The following MKI67 variants were observed in gnomAD, a reference collection of about 807,000 sequenced individuals.
MKI67 encodes marker of proliferation Ki-67, also known as proliferation marker protein Ki-67.
MKI67 carries 152 observed loss-of-function variants against 233.5 expected under a neutral mutation model. The ratio of observed to expected loss-of-function variants is 0.65; its 90% CI spans 0.57 to 0.74. The LOEUF is 0.74. MKI67 is among the 30% of genes least tolerant of loss of function. The pLI, the probability that MKI67 is intolerant of heterozygous loss-of-function variation, is 0.00. For synonymous variants in MKI67, 1,465 were observed against 1,418.5 expected, an observed-to-expected ratio of 1.03 and a Z score of -0.74; for missense variants, 3,940 against 3,885.2, an observed-to-expected ratio of 1.01 and a Z score of -0.37.
chr10:128,114,888 C>T (rs756499020), intron 7 of MKI67, 40 bp downstream of exon 7: 2 of 1,498,820 alleles, frequency 1.3e-6, no homozygotes, highest in African/African-American at 1.4e-5. Context: ...AGAAGGTGTT[C>T]ATCTTTTAGA....
chr10:128,113,672 T>A (rs1852731352), intron 7 of MKI67, 70 bp from the exon 8 acceptor site: 1 of 1,432,012 alleles, frequency 7.0e-7, no homozygotes, highest in African/African-American at 1.4e-5. Flanking sequence ...TTATTTCACG[T>A]TAGCATTAAA....
intron 11 of MKI67, among the ~76,000 whole-genome samples, 189 bp from the exon 12 acceptor site, chr10:128,110,722 C>A (rs2782870): frequency 0.5 from 75,273 of 152,020 alleles, 18,792 homozygotes; most frequent in Admixed American, 0.56. Context: ...AAAGAGAGCA[C>A]AGAGAAGATA....
chr10:128,125,630 C>G lies in MKI67; in HGVS notation c.38G>C (p.Ser13Thr). 1 of 1,613,774 alleles carries G rather than the reference C, an allele frequency of 6.2e-7. No individual in the cohort carries two copies. Among genetic ancestry groups the G allele is most frequent in the Non-Finnish European group, 8.5e-7 (1 of 1,179,892 alleles). Reference protein sequence around the residue: ...PTRRLVTIKRSGVDGPHFPLS... With the variant: ...PTRRLVTIKRTGVDGPHFPLS... ...GGGAAAGTGGGGACCGTCGACCCCG[C>G]TCCTTTTGATAGTAACCAGGCGTCT... The change falls in exon 2 of 15, where the codon AGC (serine) becomes ACC (threonine). Residue 13 changes from serine (S) to threonine (T), a missense_variant. Physicochemically the swap from Ser to Thr is moderately conservative, Grantham distance 58. Transcript: ENST00000368654. This position sits in a 1 kb window ranked among gnomAD's most constrained non-coding sequence, Gnocchi z 5.3.
chr10:128,103,727 G>T lies in MKI67; in HGVS notation c.8113C>A (p.Pro2705Thr), dbSNP rs1182971694. The part of the protein sequence containing the change: ...SLTAGKATKI[P>T]CESPPLEVVD... ...ACTTCTAGTGGGGGAGATTCGCAGG[G>T]TATTTTAGTGGCTTTGCCAGCAGTC... The change falls in exon 13 of 15, where the codon CCC becomes ACC. Residue 2705 changes from proline to threonine, a missense_variant. Transcript: ENST00000368654. The T allele has an allele frequency of 3.1e-6, 5 of 1,614,072 alleles. No individual in the cohort carries two copies. The highest frequency in any genetic ancestry group is 3.3e-5 in the Admixed American group (2 of 60,014).
chr10:128,108,876 G>A lies in MKI67; in HGVS notation c.2964C>T (p.Thr988=), dbSNP rs1223335059. The A allele has an allele frequency of 1.2e-6, 2 of 1,614,178 alleles. No homozygotes were observed. The highest frequency in any genetic ancestry group is 8.5e-7 in the Non-Finnish European group (1 of 1,180,038). Residue 988 remains threonine, a synonymous_variant, in exon 13 of 15, where the codon ACC becomes ACT. Coordinates refer to ENST00000368654, the MANE Select transcript of MKI67 (RefSeq NM_002417.5). ...TCTTTGGTGCCTTGGCATGATCTTG[G>A]GTTTGGAGGAGATTCTGGCCACGTG... ...DTARGQNLLQ[T]QDHAKAPKSE...
chr10:128,113,487 G>T lies in MKI67; in HGVS notation c.1596C>A (p.Ala532=). Residue 532 remains alanine, a synonymous_variant, in exon 8 of 15, where the codon GCC becomes GCA. Coordinates refer to ENST00000368654, the MANE Select transcript of MKI67 (RefSeq NM_002417.5). Reference sequence around the variant, plus strand: ...TTACCAGAGACTTTCTTTTGGTTGGGGCTTCTCCCCTTTTGAGAGGCGTAT... The same window carrying T: ...TTACCAGAGACTTTCTTTTGGTTGGTGCTTCTCCCCTTTTGAGAGGCGTAT... The part of the protein sequence containing the change: ...PPNTPLKRGE[A]PTKRKSLVMH... 1 of 1,614,082 alleles carries T rather than the reference G, an allele frequency of 6.2e-7. No homozygotes were observed. Among genetic ancestry groups the T allele is most frequent in the Non-Finnish European group, 8.5e-7 (1 of 1,180,026 alleles).
rs977830142 is a variant in MKI67, at chr10:128,100,047, CGT to C, written c.9706-794_9706-793del. 2.2e-3 allele frequency among the ~76,000 whole-genome samples: 328 copies of C among 152,314 alleles called. 6 individuals carry two copies. The highest frequency in any genetic ancestry group is 0.021 in the South Asian group (100 of 4,820). The stretch of plus-strand genomic sequence containing the variant: ...GAATTCGGTAAGCGCCTGGAGCCTG[CGT>C]TTTATTGTAAGACTCGACGGGTGAA... On this transcript the variant is annotated intron_variant, in intron 14 of 14. Coordinates refer to ENST00000368654, the MANE Select transcript of MKI67 (RefSeq NM_002417.5).
In MKI67 at chr10:128,098,064, A is replaced by T. The variant is rs1852249628; in HGVS notation, c.*1126T>A. On this transcript the variant is annotated 3_prime_UTR_variant, in exon 15 of 15. Transcript: ENST00000368654. ...TGGCAAGGTGGGTGAATGGGGAGGA[A>T]TCCAGACAGGTGACCTGGGGGATGG... The T allele has an allele frequency of 6.6e-6, 1 of 152,214 alleles. No homozygotes were observed. The allele number at this position is 152,214 out of a possible 1,614,324, so 9.4% of individuals were successfully genotyped here.
chr10:128,111,532 G>T, intron 11 of MKI67, 113 bp downstream of exon 11: 1 of 985,124 alleles, frequency 1.0e-6, no homozygotes, highest in Non-Finnish European at 1.5e-6. Context: ...TGATTGAGTC[G>T]TTTATTTTAT....
Position 128,123,170 on chromosome 10 carries a change from C to T in MKI67, c.93-1G>A. On this transcript the variant is annotated splice_acceptor_variant, in intron 2 of 14. Coordinates refer to ENST00000368654, the MANE Select transcript of MKI67 (RefSeq NM_002417.5). LOFTEE classifies it high-confidence loss of function. Reference sequence around the variant, plus strand: ...GATACGGATGTCACATTCAATACCCCTTCATGCAAAAGAAGAAGGTTTTTT... The same window carrying T: ...GATACGGATGTCACATTCAATACCCTTTCATGCAAAAGAAGAAGGTTTTTT... 1 of 1,610,526 alleles carries T rather than the reference C, an allele frequency of 6.2e-7. No homozygotes were observed. Among genetic ancestry groups the T allele is most frequent in the Non-Finnish European group, 8.5e-7 (1 of 1,177,756 alleles).
Position 128,107,933 on chromosome 10 carries a change from CTGA to C in MKI67, c.3904_3906del (p.Ser1302del). ...ATGATGATGTCTTTCTCTTCACCTACTGATGGTTTAGGCGTGTGCATGGCTTTG... is the reference window on the plus strand; with the variant it reads ...ATGATGATGTCTTTCTCTTCACCTACTGGTTTAGGCGTGTGCATGGCTTTG... On this transcript the variant is annotated inframe_deletion, in exon 13 of 15. Coordinates refer to ENST00000368654, the MANE Select transcript of MKI67 (RefSeq NM_002417.5). 6.2e-7 allele frequency: 1 copy of C among 1,613,740 alleles called. No individual in the cohort carries two copies. The highest frequency in any genetic ancestry group is 8.5e-7 in the Non-Finnish European group (1 of 1,179,976).
chr10:128,118,134 A>G (rs1852845270), intron 5 of MKI67, among the ~76,000 whole-genome samples: 1 of 152,188 alleles, frequency 6.6e-6, no homozygotes. Context: ...ATGGTGGCTC[A>G]AGCCTGTAAT....
At chr10:128,110,611 G>T in intron 11 of MKI67, 78 bp from the exon 12 acceptor site, 1 of 1,124,032 alleles carries the variant, frequency 8.9e-7, no homozygotes, top group Non-Finnish European at 1.2e-6. Flanking sequence ...CACATGTAAC[G>T]TGCAAATGGT....
At chr10:128,101,217 A>G (rs1564997042) in intron 14 of MKI67, 41 bp downstream of exon 14, 1 of 1,580,774 alleles carries the variant, frequency 6.3e-7, no homozygotes, top group South Asian at 1.1e-5. Context: ...ACATCAAAAC[A>G]TTCTGTGTCT....
chr10:128,121,203 C>A (rs952158264), intron 4 of MKI67, among the ~76,000 whole-genome samples: 5 of 151,398 alleles, frequency 3.3e-5, no homozygotes, highest in Non-Finnish European at 5.9e-5. Context: ...AAAGCAAAAA[C>A]TGATAGAGAT....
chr10:128,109,024 T>C lies in MKI67; in HGVS notation c.2816A>G (p.Lys939Arg). ...FETYKENIEL[K>R]ENDEKMKAMK... ...TGCTTTCATCTTTTCATCGTTTTCT[T>C]TTAATTCAATATTTTCCTTATATGT... is the stretch of plus-strand genomic sequence containing the variant. The change falls in exon 13 of 15, where the codon AAA (lysine) becomes AGA (arginine). Residue 939 changes from lysine (K) to arginine (R), a missense_variant. By Grantham distance (26) the Lys-to-Arg change is conservative (BLOSUM62 2). Transcript: ENST00000368654. The C allele has an allele frequency of 6.2e-7, 1 of 1,614,222 alleles. No homozygotes were observed. Among genetic ancestry groups the C allele is most frequent in the Non-Finnish European group, 8.5e-7 (1 of 1,180,028 alleles).
In MKI67 at chr10:128,102,436, A is replaced by G; in HGVS notation, c.9261+143T>C. The G allele has an allele frequency of 3.0e-6, 3 of 992,442 alleles. No homozygotes were observed. The South Asian group carries it at 4.8e-5, about 16-fold the overall frequency. The allele number at this position is 992,442 out of a possible 1,614,324, so 61.5% of individuals were successfully genotyped here. The stretch of plus-strand genomic sequence containing the variant: ...ATAGGTCCCAAGAAGATTCTTTACC[A>G]TGGCCTGCAGTTATTCAGTGTTAAA... On this transcript the variant is annotated intron_variant, in intron 13 of 14. Transcript: ENST00000368654.
Position 128,102,798 on chromosome 10 carries a change from G to A in MKI67, c.9042C>T (p.Cys3014=), listed in dbSNP as rs774514827. The change falls in exon 13 of 15, where the codon TGC becomes TGT. Residue 3014 remains cysteine (C), a synonymous_variant. Transcript: ENST00000368654. Reference sequence around the variant, plus strand: ...CCACAATTTCCTCTGGTGCTGGCATGCAGCGCAGCCTCTTGGTTCCCGTGA... The same window carrying A: ...CCACAATTTCCTCTGGTGCTGGCATACAGCGCAGCCTCTTGGTTCCCGTGA... ...GSVTGTKRLR[C]MPAPEEIVEE... is the part of the protein sequence containing the mutation. 1 of 1,614,094 alleles carries A rather than the reference G, an allele frequency of 6.2e-7. No homozygotes were observed. Among genetic ancestry groups the A allele is most frequent in the African/African-American group, 1.3e-5 (1 of 74,926 alleles).
At position 128,103,590 on chromosome 10, in the gene MKI67, C is replaced by G. The variant is rs962442232; in HGVS notation, c.8250G>C (p.Thr2750=). ...CACCTGCTGGTTCTTTGTCTGCATC[C>G]GTGGTTTCCCCTGATGTTTGTGTGA... ...VKFTQTSGET[T]DADKEPAGED... The change falls in exon 13 of 15, where the codon ACG becomes ACC. Residue 2750 remains threonine (T), a synonymous_variant. Transcript: ENST00000368654. 1 of 1,614,004 alleles carries G rather than the reference C, an allele frequency of 6.2e-7. No homozygotes were observed. Among genetic ancestry groups the G allele is most frequent in the East Asian group, 2.2e-5 (1 of 44,896 alleles).
Sources: allele counts gnomAD v4.1 joint callset (sites outside exome capture counted in the v4.1 genomes callset), GRCh38; gene constraint gnomAD v4.1.1; non-coding constraint Gnocchi (gnomAD v3.1); transcripts MANE v1.5; gene names NCBI Gene and HGNC (gene_info 2026-07-23, HGNC 2026-07-21).